The following FRMD3 variants were observed in gnomAD, a reference collection of about 807,000 sequenced individuals.
FRMD3 encodes the protein FERM domain-containing protein 3.
In FRMD3, 33 loss-of-function variants were observed where a neutral mutation model predicts 70.2. The observed-to-expected ratio is 0.47, with a 90% confidence interval of 0.36 to 0.63. The LOEUF (loss-of-function observed/expected upper bound fraction) is 0.63. Ranked by LOEUF, FRMD3 falls within the 20% of genes least tolerant of loss-of-function variation. FRMD3 has a pLI of 0.00. For synonymous variants in FRMD3, 279 were observed against 255.9 expected, an observed-to-expected ratio of 1.09 and a Z score of -0.86; for missense variants, 632 against 711.4, an observed-to-expected ratio of 0.89 and a Z score of 1.27.
At chr9:83,343,969 G>A (rs1587747647) in intron 4 of FRMD3, among the ~76,000 whole-genome samples, 1 of 152,228 alleles carries the variant, frequency 6.6e-6, no homozygotes, top group African/African-American at 2.4e-5. Context: ...CTAGAAAGGG[G>A]GCAGCCACTG....
Position 83,351,721 on chromosome 9 carries a change from A to ATAGATAGG in FRMD3, c.296-1965_296-1964insCCTATCTA, listed in dbSNP as rs1554691522. ...GATAGATAGATAGATAGATAGATAG[A>ATAGATAGG]TAGATAGATAGACATGCCATCCTGC... On this transcript the variant is annotated intron_variant, in intron 3 of 13. Coordinates refer to ENST00000304195, the MANE Select transcript of FRMD3 (RefSeq NM_174938.6). Among the ~76,000 whole-genome samples the ATAGATAGG allele has an allele frequency of 6.4e-3, 974 of 152,120 alleles. 8 individuals are homozygous for ATAGATAGG. The highest frequency in any genetic ancestry group is 0.022 in the African/African-American group (915 of 41,468).
chr9:83,413,398 C>T lies in FRMD3; in HGVS notation c.148-23690G>A, dbSNP rs1046370037. On this transcript the variant is annotated intron_variant, in intron 1 of 13. Transcript: ENST00000304195. ...CTCACTGTCCCCCAGCATCCATACA[C>T]GAGGGAGTCATGTGCCAGCCATAGA... 3.3e-5 allele frequency among the ~76,000 whole-genome samples: 5 copies of T among 152,258 alleles called. No individual in the cohort carries two copies. In the South Asian group the frequency reaches 6.2e-4, roughly 19 times the overall value.
At chr9:83,556,359 T>C in the FRMD3 span, among the ~76,000 whole-genome samples, 1 of 152,274 alleles carries the variant, frequency 6.6e-6, no homozygotes, top group Non-Finnish European at 1.5e-5. Context: ...CAGCAAGCTC[T>C]TGACAATAGC....
chr9:83,380,904 T>A (rs181107196), intron 2 of FRMD3, among the ~76,000 whole-genome samples: 1 of 152,154 alleles, frequency 6.6e-6, no homozygotes, highest in African/African-American at 2.4e-5. Flanking sequence ...ACCTCAATAG[T>A]AACCAGATCC....
Position 83,246,167 on chromosome 9 carries a change from G to A in FRMD3, c.*1751C>T, listed in dbSNP as rs1416145731. 1 of 985,108 alleles carries A rather than the reference G, an allele frequency of 1.0e-6. No individual in the cohort carries two copies. The highest frequency in any genetic ancestry group is 1.7e-5 in the African/African-American group (1 of 57,228). The allele number at this position is 985,108 out of a possible 1,614,324, so 61.0% of individuals were successfully genotyped here. A position where few individuals can be genotyped will look rare whatever the true frequency, so the allele number is the denominator to read the frequency against. ...CAATTTAGAAATCATGCTAATGATA[G>A]GGTTGGAATGTCATTAGCTAGAGAG... On this transcript the variant is annotated 3_prime_UTR_variant, in exon 14 of 14. Transcript: ENST00000304195.
intron 13 of FRMD3, among the ~76,000 whole-genome samples, chr9:83,275,438 T>C (rs748029763): frequency 1.2e-4 from 19 of 152,090 alleles, no homozygotes; most frequent in Non-Finnish European, 2.4e-4. Context: ...AATAAAACAA[T>C]GACCATGAAT....
At chr9:83,342,692 T>TAGA (rs111552095) in intron 5 of FRMD3, among the ~76,000 whole-genome samples, 25 of 146,892 alleles carry the variant, frequency 1.7e-4, no homozygotes, top group African/African-American at 6.3e-4. Context: ...GATGGATAGA[T>TAGA]TAGATAGATA....
intron 1 of FRMD3, among the ~76,000 whole-genome samples, chr9:83,461,074 C>T (rs1827957276): frequency 6.6e-6 from 1 of 152,112 alleles, no homozygotes; most frequent in Non-Finnish European, 1.5e-5. Flanking sequence ...ATGGCCATAT[C>T]CTTATCCCTG....
At chr9:83,311,155 G>A (rs1435637481) in intron 8 of FRMD3, among the ~76,000 whole-genome samples, 1 of 152,128 alleles carries the variant, frequency 6.6e-6, no homozygotes, top group Non-Finnish European at 1.5e-5. Flanking sequence ...GTTTGAAAAG[G>A]AGACACATGG....
At chr9:83,476,815 C>G (rs183548969) in intron 1 of FRMD3, among the ~76,000 whole-genome samples, 1 of 152,238 alleles carries the variant, frequency 6.6e-6, no homozygotes, top group East Asian at 1.9e-4. Flanking sequence ...ATCAAGGCTC[C>G]TTATCACAGG....
intron 1 of FRMD3, among the ~76,000 whole-genome samples, chr9:83,437,443 T>C (rs1029432609): frequency 6.6e-6 from 1 of 152,236 alleles, no homozygotes; most frequent in African/African-American, 2.4e-5. Context: ...GCTCATTCTA[T>C]ATTTGTATGA....
chr9:83,517,494 C>CA (rs59178344), intron 1 of FRMD3, among the ~76,000 whole-genome samples: 3,940 of 64,816 alleles, frequency 0.061, 28 homozygotes, highest in Non-Finnish European at 0.075. Flanking sequence ...CCTACCAATC[C>CA]AAAAAAAAAA....
At chr9:83,553,516 C>A in the FRMD3 span, among the ~76,000 whole-genome samples, 1 of 152,156 alleles carries the variant, frequency 6.6e-6, no homozygotes, top group African/African-American at 2.4e-5. Flanking sequence ...ATAAATTTGG[C>A]CTCTTTACAT....
At chr9:83,265,522 A>G (rs1563982534) in intron 13 of FRMD3, among the ~76,000 whole-genome samples, 1 of 152,162 alleles carries the variant, frequency 6.6e-6, no homozygotes. Flanking sequence ...TAATATTCAC[A>G]TTATAAAAGA....
upstream of FRMD3, among the ~76,000 whole-genome samples, chr9:83,540,302 C>T (rs544416907): frequency 6.6e-6 from 1 of 152,310 alleles, no homozygotes; most frequent in African/African-American, 2.4e-5. Flanking sequence ...ACACACTTGT[C>T]CATCCTATTA....
intron 5 of FRMD3, 73 bp downstream of exon 5, chr9:83,343,117 A>G (rs1587746564): frequency 4.7e-6 from 5 of 1,070,106 alleles, no homozygotes; most frequent in South Asian, 3.8e-5. Flanking sequence ...CACGGGTGGG[A>G]GAGAAGGGAG....
At chr9:83,338,091 A>G (rs2131148143) in intron 5 of FRMD3, among the ~76,000 whole-genome samples, 1 of 152,338 alleles carries the variant, frequency 6.6e-6, no homozygotes, top group East Asian at 1.9e-4. Flanking sequence ...CAATAGAGAA[A>G]TGGTCAAAGG....
intron 2 of FRMD3, among the ~76,000 whole-genome samples, chr9:83,377,097 G>A (rs1030203843): frequency 6.6e-6 from 1 of 152,110 alleles, no homozygotes; most frequent in Non-Finnish European, 1.5e-5. Flanking sequence ...TATTCTCCTG[G>A]CCTATGGAGG....
chr9:83,328,669 A>T (rs1836120662), intron 6 of FRMD3, among the ~76,000 whole-genome samples: 1 of 152,210 alleles, frequency 6.6e-6, no homozygotes, highest in African/African-American at 2.4e-5. Flanking sequence ...AGTGTGGATG[A>T]TGAAGGAGAC....
Sources: allele counts gnomAD v4.1 joint callset (sites outside exome capture counted in the v4.1 genomes callset), GRCh38; gene constraint gnomAD v4.1.1; transcripts MANE v1.5; gene names NCBI Gene and HGNC (gene_info 2026-07-23, HGNC 2026-07-21).